The following CRTC2 variants were observed in gnomAD, a reference collection of about 807,000 sequenced individuals.
CRTC2 encodes CREB-regulated transcription coactivator 2.
A neutral mutation model predicts 70.9 loss-of-function variants in CRTC2; 25 were observed. The observed-to-expected ratio is 0.35, with a 90% CI of 0.26 to 0.49. CRTC2 has a LOEUF of 0.49. Ranked by LOEUF, CRTC2 falls within the 20% of genes least tolerant of loss-of-function variation. The probability of loss-of-function intolerance (pLI) is 0.98; values close to 1 mark genes in which losing one functional copy is unlikely to be tolerated. For missense variants in CRTC2, 737 were observed against 882.6 expected, an observed-to-expected ratio of 0.83 and a Z score of 2.09; for synonymous variants, 330 against 364.1, an observed-to-expected ratio of 0.91 and a Z score of 1.07.
chr1:153,948,237 G>C lies in CRTC2; in HGVS notation c.1954C>G (p.Leu652Val). Residue 652 changes from leucine to valine, a missense_variant, in exon 14 of 14, where the codon CTT (leucine) becomes GTT (valine). Physicochemically the swap from Leu to Val is conservative, Grantham distance 32. Transcript: ENST00000368633. ...ATGCGCAGCTCATCTTCTAGCCCAA[G>C]CCCTAGCTCCAATCCAGCTGCTGAC... Reference protein sequence around the residue: ...EVSAAGLELGLGLEDELRMEP... With the variant: ...EVSAAGLELGVGLEDELRMEP... 2 of 1,614,258 alleles carry C rather than the reference G, an allele frequency of 1.2e-6. No homozygotes were observed. The highest frequency in any genetic ancestry group is 1.7e-6 in the Non-Finnish European group (2 of 1,180,040).
Position 153,948,571 on chromosome 1 carries a change from C to T in CRTC2, c.1748G>A (p.Gly583Glu), listed in dbSNP as rs1433609577. Reference sequence around the variant, plus strand: ...CATTGGCCCCTCACCCCCTAAAAATCCAGGCCCTTCAGAAAAGCCAGGGGG... The same window carrying T: ...CATTGGCCCCTCACCCCCTAAAAATTCAGGCCCTTCAGAAAAGCCAGGGGG... ...LDPPGFSEGPGFLGGEGPMGG... is the reference protein window; with the variant it reads ...LDPPGFSEGPEFLGGEGPMGG... The change falls in exon 13 of 14, where the codon GGA (glycine) becomes GAA (glutamate). Residue 583 changes from glycine to glutamate, a missense_variant. By Grantham distance (98) the Gly-to-Glu change is moderately conservative (BLOSUM62 -2). This residue lies in a region of CRTC2 where 699 missense variants were observed against 823.7 expected (regional missense o/e 0.85). Transcript: ENST00000368633. The T allele has an allele frequency of 3.1e-6, 5 of 1,610,332 alleles. No homozygotes were observed. The highest frequency in any genetic ancestry group is 2.2e-5 in the East Asian group (1 of 44,862).
chr1:153,955,252 T>TA, intron 1 of CRTC2, 86 bp from the exon 2 acceptor site: 1 of 990,538 alleles, frequency 1.0e-6, no homozygotes, highest in African/African-American at 1.6e-5. Context: ...GTCACCAGGA[T>TA]ATGCTGCTGC....
rs1287172632 is a variant in CRTC2 at position 153,955,092 on chromosome 1, C to A, written c.228G>T (p.Gln76His). The part of the protein sequence containing the change: ...HYGGSLPNVN[Q>H]IGSGLAEFQS... ...GGAACTCGGCCAGGCCAGAGCCAAT[C>A]TGGTTAACATTGGGCAGAGACCCAC... Residue 76 changes from glutamine (Q) to histidine (H), a missense_variant, in exon 2 of 14, where the codon CAG becomes CAT. Gln to His is a conservative substitution (Grantham distance 24). Coordinates refer to ENST00000368633, the MANE Select transcript of CRTC2 (RefSeq NM_181715.3). 3 of 1,614,050 alleles carry A rather than the reference C, an allele frequency of 1.9e-6. No individual in the cohort carries two copies. Among genetic ancestry groups the A allele is most frequent in the East Asian group, 4.5e-5 (2 of 44,900 alleles).
rs141376988 is a variant in CRTC2, at chr1:153,954,848, C to T, written c.372+25G>A. 1.8e-4 allele frequency: 294 copies of T among 1,601,396 alleles called. 3 individuals are homozygous for T. In the East Asian group the frequency reaches 6.0e-3, roughly 33 times the overall value. On this transcript the variant is annotated intron_variant, in intron 3 of 13. Transcript: ENST00000368633. Reference sequence around the variant, plus strand: ...ACCCCATCCCACTACCTTTCAGACACTCCCAAGTCCCCTGTGAAGGATATG... The same window carrying T: ...ACCCCATCCCACTACCTTTCAGACATTCCCAAGTCCCCTGTGAAGGATATG...
In CRTC2 at chr1:153,955,139, A is replaced by G. The variant is rs755419720; in HGVS notation, c.181T>C (p.Tyr61His). 1.2e-6 allele frequency: 2 copies of G among 1,614,054 alleles called. No homozygotes were observed. Among genetic ancestry groups the G allele is most frequent in the Non-Finnish European group, 8.5e-7 (1 of 1,179,904 alleles). ...RLQAQKLRLA[Y>H]TRSSHYGGSL... is the part of the protein sequence containing the mutation. ...CCACCATAATGAGAGCTCCTTGTGT[A>G]TGCCAGTCGCAGTTTTTGGGCCTGT... The change falls in exon 2 of 14, where the codon TAC (tyrosine) becomes CAC (histidine). Residue 61 changes from tyrosine (Y) to histidine (H), a missense_variant. Coordinates refer to ENST00000368633, the MANE Select transcript of CRTC2 (RefSeq NM_181715.3).
At chr1:153,953,743 GT>G in intron 4 of CRTC2, 137 bp from the exon 5 acceptor site, 2 of 604,404 alleles carry the variant, frequency 3.3e-6, no homozygotes. Context: ...TTTCTTTCTG[GT>G]TCTTCTCCTG....
In CRTC2 at chr1:153,958,401, G is replaced by C. The variant is rs761074629; in HGVS notation, c.97C>G (p.Gln33Glu). 1.2e-6 allele frequency: 2 copies of C among 1,613,324 alleles called. No individual in the cohort carries two copies. Among genetic ancestry groups the C allele is most frequent in the Admixed American group, 3.3e-5 (2 of 60,010 alleles). ...TCGAAGGCCGCCGTCTCCTCGGCCT[G>C]ACGCTGCTTCTGCAGCGCAATCTTC... is the stretch of plus-strand genomic sequence containing the variant. ...SEKIALQKQRQAEETAAFEEV... is the reference protein window; with the variant it reads ...SEKIALQKQREAEETAAFEEV... The change falls in exon 1 of 14, where the codon CAG becomes GAG. Residue 33 changes from glutamine (Q) to glutamate (E), a missense_variant. Transcript: ENST00000368633.
In CRTC2 at chr1:153,947,997, C is replaced by A; in HGVS notation, c.*112G>T. 2 of 1,079,718 alleles carry A rather than the reference C, an allele frequency of 1.9e-6. No homozygotes were observed. The highest frequency in any genetic ancestry group is 2.0e-5 in the Admixed American group (1 of 48,918). 66.9% of individuals were successfully genotyped at this position (1,079,718 alleles called of 1,614,324 possible). The stretch of plus-strand genomic sequence containing the variant: ...TCATTCTTGGCATCCTTCATTCATG[C>A]TAGAAAGAGGATCTGGGGACAGAGA... On this transcript the variant is annotated 3_prime_UTR_variant, in exon 14 of 14. Transcript: ENST00000368633.
chr1:153,948,561 C>A lies in CRTC2; in HGVS notation c.1758G>T (p.Gly586=). The A allele has an allele frequency of 6.2e-7, 1 of 1,611,246 alleles. No individual in the cohort carries two copies. Among genetic ancestry groups the A allele is most frequent in the South Asian group, 1.1e-5 (1 of 90,682 alleles). The part of the protein sequence containing the change: ...PGFSEGPGFL[G]GEGPMGGPQD... ...GGGGGCCACCCATTGGCCCCTCACCCCCTAAAAATCCAGGCCCTTCAGAAA... is the reference window on the plus strand; with the variant it reads ...GGGGGCCACCCATTGGCCCCTCACCACCTAAAAATCCAGGCCCTTCAGAAA... The change falls in exon 13 of 14, where the codon GGG becomes GGT. Residue 586 remains glycine (G), a synonymous_variant. Transcript: ENST00000368633.
intron 1 of CRTC2, among the ~76,000 whole-genome samples, chr1:153,955,565 T>TG (rs1680578360): frequency 2.2e-5 from 1 of 45,250 alleles, no homozygotes; most frequent in Non-Finnish European, 4.2e-5. Context: ...AGACTCTGTC[T>TG]CAAAAAAAAA....
At chr1:153,949,633 G>A (rs1680217167) in intron 11 of CRTC2, among the ~76,000 whole-genome samples, 1 of 152,128 alleles carries the variant, frequency 6.6e-6, no homozygotes, top group African/African-American at 2.4e-5. Context: ...TGGATCACCT[G>A]AGGTCAGGAG....
intron 1 of CRTC2, among the ~76,000 whole-genome samples, chr1:153,955,986 G>A (rs559119532): frequency 9.2e-5 from 14 of 152,274 alleles, no homozygotes; most frequent in African/African-American, 2.2e-4. Context: ...TTCCAGATGC[G>A]TCCAGGACTA....
chr1:153,948,958 G>T (rs1680174170), intron 12 of CRTC2, 157 bp downstream of exon 12: 2 of 828,058 alleles, frequency 2.4e-6, no homozygotes, highest in South Asian at 1.4e-5. Context: ...GGAGCCCCAA[G>T]CTGGCAGTGC....
Position 153,948,035 on chromosome 1 carries a change from C to A in CRTC2, c.*74G>T. 7.1e-7 allele frequency: 1 copy of A among 1,413,896 alleles called. No individual in the cohort carries two copies. The highest frequency in any genetic ancestry group is 1.2e-5 in the South Asian group (1 of 84,738). The allele number at this position is 1,413,896 out of a possible 1,614,324, so 87.6% of individuals were successfully genotyped here. On this transcript the variant is annotated 3_prime_UTR_variant, in exon 14 of 14. Coordinates refer to ENST00000368633, the MANE Select transcript of CRTC2 (RefSeq NM_181715.3). ...CTGGGGACAGAGAGTAGAGTCTCTA[C>A]CTGCCAGGGGGAAGGGAGGAAAGGA...
chr1:153,953,295 G>A lies in CRTC2; in HGVS notation c.578C>T (p.Pro193Leu), dbSNP rs1218609430. 5 of 1,595,930 alleles carry A rather than the reference G, an allele frequency of 3.1e-6. No homozygotes were observed. Among genetic ancestry groups the A allele is most frequent in the South Asian group, 2.3e-5 (2 of 88,346 alleles). The change falls in exon 6 of 14, where the codon CCT becomes CTT. Residue 193 changes from proline (P) to leucine (L), a missense_variant. Pro to Leu is a moderately conservative substitution (Grantham distance 98). Coordinates refer to ENST00000368633, the MANE Select transcript of CRTC2 (RefSeq NM_181715.3). ...ACGTCGGCTGGGCAGGATGCTGGGA[G>A]GTGTGGGGCCTGGGTAGGTATCCTG... is the stretch of plus-strand genomic sequence containing the variant. ...SPQDTYPGPTPPSILPSRRGG... is the reference protein window; with the variant it reads ...SPQDTYPGPTLPSILPSRRGG...
rs10908558 is a variant in CRTC2, at chr1:153,954,794, T to C, written c.372+79A>G. ...AAGAGAAGGAAGGGACGCACAACAC[T>C]TCAAGTGCTTCCTATGAGTCCCTGA... On this transcript the variant is annotated intron_variant, in intron 3 of 13. Coordinates refer to ENST00000368633, the MANE Select transcript of CRTC2 (RefSeq NM_181715.3). The C allele has an allele frequency of 0.31, 384,203 of 1,255,454 alleles. 60,788 individuals carry two copies. The highest frequency in any genetic ancestry group is 0.42 in the Admixed American group (24,050 of 57,798). 77.8% of individuals were successfully genotyped at this position (1,255,454 alleles called of 1,614,324 possible).
chr1:153,948,612 G>A lies in CRTC2; in HGVS notation c.1707C>T (p.Ala569=). The A allele has an allele frequency of 6.3e-7, 1 of 1,594,222 alleles. No individual in the cohort carries two copies. The change falls in exon 13 of 14, where the codon GCC becomes GCT. Residue 569 remains alanine, a synonymous_variant. Transcript: ENST00000368633. ...AGCCAGGGGGATCCAGCACCAGGCT[G>A]GCTGATGGGCTCTCCATGCTGAACT... ...LEQFSMESPS[A]SLVLDPPGFS...
chr1:153,952,038 C>A lies in CRTC2; in HGVS notation c.977G>T (p.Gly326Val). 6.2e-7 allele frequency: 1 copy of A among 1,613,746 alleles called. No individual in the cohort carries two copies. The highest frequency in any genetic ancestry group is 8.5e-7 in the Non-Finnish European group (1 of 1,179,906). ...CTCACCTGGTGCATCATAGCCTGGG[C>A]CCAGGCCCATGCCCCTGCTGATGCC... ...HLGISRGMGL[G>V]PGYDAPGLHS... Residue 326 changes from glycine (G) to valine (V), a missense_variant, in exon 10 of 14, where the codon GGC (glycine) becomes GTC (valine). Around this residue, in one of 3 missense-constraint regions of CRTC2, gnomAD observed 699 missense variants for 823.7 expected, o/e 0.85. Coordinates refer to ENST00000368633, the MANE Select transcript of CRTC2 (RefSeq NM_181715.3).
chr1:153,954,253 ACC>A lies in CRTC2; in HGVS notation c.434_434+1del. The A allele has an allele frequency of 6.2e-7, 1 of 1,610,740 alleles. No homozygotes were observed. The highest frequency in any genetic ancestry group is 8.5e-7 in the Non-Finnish European group (1 of 1,177,908). On this transcript the variant is annotated splice_donor_variant and coding_sequence_variant, in exon 4 of 14. Coordinates refer to ENST00000368633, the MANE Select transcript of CRTC2 (RefSeq NM_181715.3). LOFTEE classifies it high-confidence loss of function. ...GAGCTTCTGCCCGCCCTGGACACTTACCTTCGCCAGCTAGACTCTGGGGGAGG... is the reference window on the plus strand; with the variant it reads ...GAGCTTCTGCCCGCCCTGGACACTTATTCGCCAGCTAGACTCTGGGGGAGG...
Sources: allele counts gnomAD v4.1 joint callset (sites outside exome capture counted in the v4.1 genomes callset), GRCh38; gene constraint gnomAD v4.1.1; regional missense constraint gnomAD v4.1.1; transcripts MANE v1.5; gene names NCBI Gene and HGNC (gene_info 2026-07-23, HGNC 2026-07-21).